The following NRXN3 variants were observed in gnomAD, a reference collection of about 807,000 sequenced individuals.
The protein encoded by NRXN3 is neurexin III.
In NRXN3, 32 loss-of-function variants were observed where a neutral mutation model predicts 137.6. That is an observed-to-expected ratio of 0.23 (90% CI 0.18 to 0.31). The LOEUF is 0.31. Ranked by LOEUF, NRXN3 falls within the 10% of genes least tolerant of loss-of-function variation. The pLI, the probability that NRXN3 is intolerant of heterozygous loss-of-function variation, is 1.00. For synonymous variants in NRXN3, 798 were observed against 784.5 expected (o/e 1.02, Z -0.29); for missense variants, 1,574 against 2,062.5 (o/e 0.76, Z 4.59).
At chr14:78,593,166 C>T (rs573598949) in intron 4 of NRXN3, among the ~76,000 whole-genome samples, 26 of 152,196 alleles carry the variant, frequency 1.7e-4, no homozygotes, top group Non-Finnish European at 3.7e-4. Flanking sequence ...TGCTGGATAG[C>T]TGTGTTTGTG....
chr14:78,669,257 G>A (rs2097914024), intron 6 of NRXN3, among the ~76,000 whole-genome samples: 1 of 147,504 alleles, frequency 6.8e-6, no homozygotes, highest in African/African-American at 2.5e-5. Flanking sequence ...AAGTAGAAGT[G>A]GCGGTAATGG....
At chr14:79,845,588 C>CAG (rs112448242) in intron 20 of NRXN3, among the ~76,000 whole-genome samples, 2 of 130,448 alleles carry the variant, frequency 1.5e-5, no homozygotes, top group Middle Eastern at 4.2e-3. Flanking sequence ...CCCAGAGAGA[C>CAG]AGAGAGAGAG....
intron 8 of NRXN3, among the ~76,000 whole-genome samples, chr14:78,757,836 GA>G (rs1018650933): frequency 2.0e-5 from 3 of 152,182 alleles, no homozygotes; most frequent in African/African-American, 7.2e-5. Context: ...AAAATTGGGT[GA>G]AGGGCATATG....
chr14:79,257,371 T>C, intron 15 of NRXN3, among the ~76,000 whole-genome samples: 1 of 123,262 alleles, frequency 8.1e-6, no homozygotes, highest in African/African-American at 3.1e-5. Flanking sequence ...GTGGTGGTGG[T>C]GGTGGTGGTG....
At chr14:79,267,159 C>T (rs563438605) in intron 15 of NRXN3, among the ~76,000 whole-genome samples, 5 of 152,044 alleles carry the variant, frequency 3.3e-5, no homozygotes, top group African/African-American at 1.2e-4. Flanking sequence ...GTTGGGTGAC[C>T]TGTTATAAAC....
intron 16 of NRXN3, among the ~76,000 whole-genome samples, chr14:79,572,134 T>G (rs1200264991): frequency 6.6e-6 from 1 of 152,104 alleles, no homozygotes; most frequent in African/African-American, 2.4e-5. Context: ...TCTTTTATTA[T>G]AGTGTTCTAT....
chr14:78,720,935 T>C (rs913574147), intron 8 of NRXN3, among the ~76,000 whole-genome samples: 1 of 152,178 alleles, frequency 6.6e-6, no homozygotes, highest in Non-Finnish European at 1.5e-5. Context: ...CTCTTTTCTG[T>C]GTCAGGCTTT....
intron 15 of NRXN3, among the ~76,000 whole-genome samples, chr14:79,391,255 T>A (rs1309379314): frequency 6.6e-6 from 1 of 152,224 alleles, no homozygotes; most frequent in African/African-American, 2.4e-5. Context: ...TTCTATCAGA[T>A]GTATCCTGTG....
chr14:78,554,515 G>A (rs999271545), intron 4 of NRXN3, among the ~76,000 whole-genome samples: 9 of 152,192 alleles, frequency 5.9e-5, no homozygotes, highest in East Asian at 1.9e-4. Flanking sequence ...CAGTGAACAC[G>A]TTATAGGTCA....
intron 15 of NRXN3, among the ~76,000 whole-genome samples, chr14:79,309,818 G>C (rs1466078229): frequency 1.4e-5 from 2 of 141,992 alleles, no homozygotes; most frequent in Non-Finnish European, 3.0e-5. Flanking sequence ...GTTCATTGTA[G>C]ATTCTGGATA....
At chr14:79,507,105 T>G (rs755787317) in intron 16 of NRXN3, among the ~76,000 whole-genome samples, 70 of 152,292 alleles carry the variant, frequency 4.6e-4, no homozygotes, top group Non-Finnish European at 7.6e-4. Flanking sequence ...TGAAGATATT[T>G]TCTGGCTCTG....
chr14:78,527,071 G>C (rs1299465083), intron 4 of NRXN3, among the ~76,000 whole-genome samples: 1 of 152,104 alleles, frequency 6.6e-6, no homozygotes. Flanking sequence ...TTGAGTAAAG[G>C]CTTTATTGAC....
At position 79,575,842 on chromosome 14, in the gene NRXN3, C is replaced by A. The variant is rs1448954733; in HGVS notation, c.3445-87936C>A. On this transcript the variant is annotated intron_variant, in intron 16 of 20. Coordinates refer to ENST00000335750, the MANE Select transcript of NRXN3 (RefSeq NM_001330195.2). ...TTGTAAATATTTTCAATCAATCATG[C>A]ATTTATAATCCAATTGGGAAGATAT... Among the ~76,000 whole-genome samples, 3 of 152,172 alleles carry A rather than the reference C, an allele frequency of 2.0e-5. No homozygotes were observed. In the East Asian group the frequency reaches 5.8e-4, roughly 29 times the overall value.
At chr14:78,647,560 G>A (rs1284539308) in intron 5 of NRXN3, among the ~76,000 whole-genome samples, 1 of 152,234 alleles carries the variant, frequency 6.6e-6, no homozygotes, top group Non-Finnish European at 1.5e-5. Flanking sequence ...CAAGGATGCA[G>A]CTAAGTGCAA....
intron 15 of NRXN3, among the ~76,000 whole-genome samples, chr14:79,374,354 A>T (rs968876624): frequency 4.6e-5 from 7 of 152,150 alleles, no homozygotes; most frequent in African/African-American, 1.7e-4. Context: ...CATGCCCTTT[A>T]TGTTAGAGTT....
intron 4 of NRXN3, among the ~76,000 whole-genome samples, chr14:78,620,784 C>T (rs1434646268): frequency 6.6e-6 from 1 of 152,060 alleles, no homozygotes; most frequent in African/African-American, 2.4e-5. Flanking sequence ...GTGAGAGCTA[C>T]AGTTATTATA....
At chr14:78,655,283 C>T (rs1226578719) in intron 6 of NRXN3, among the ~76,000 whole-genome samples, 3 of 152,076 alleles carry the variant, frequency 2.0e-5, no homozygotes, top group Non-Finnish European at 2.9e-5. Context: ...TACAGCATTG[C>T]AAAATACAAT....
chr14:78,624,614 A>G (rs767897196), intron 4 of NRXN3, among the ~76,000 whole-genome samples: 3 of 152,136 alleles, frequency 2.0e-5, no homozygotes, highest in Non-Finnish European at 4.4e-5. Context: ...GAATTGCAGG[A>G]CCAAGCAAGG....
chr14:79,272,836 G>A (rs934325130), intron 15 of NRXN3, among the ~76,000 whole-genome samples: 1 of 152,156 alleles, frequency 6.6e-6, no homozygotes, highest in African/African-American at 2.4e-5. Context: ...AATCCCATGA[G>A]TTGGGTAACA....
Sources: gnomAD v4.1 joint callset for allele counts (sites outside exome capture counted in the v4.1 genomes callset) on GRCh38, gnomAD v4.1.1 for gene constraint, MANE v1.5 for transcripts, NCBI Gene and HGNC (gene_info 2026-07-23, HGNC 2026-07-21) for gene names.